The following LRRIQ1 variants were observed in gnomAD, a reference collection of about 807,000 sequenced individuals.
LRRIQ1 encodes leucine-rich repeat- and IQ domain-containing protein 1.
In LRRIQ1, 210 loss-of-function variants were observed where a neutral mutation model predicts 211.9. The observed-to-expected ratio is 0.99, with a 90% confidence interval of 0.89 to 1.11. LRRIQ1 has a LOEUF of 1.11. Among genes scored for constraint, LRRIQ1 ranks in the 50% most tolerant of loss-of-function variants. The pLI is 0.00. For missense variants in LRRIQ1, 2,136 were observed against 1,939.5 expected, an observed-to-expected ratio of 1.10 and a Z score of -1.90; for synonymous variants, 699 against 650.1, an observed-to-expected ratio of 1.08 and a Z score of -1.14.
Position 85,132,063 on chromosome 12 carries a change from T to C in LRRIQ1, c.4209+4030T>C, listed in dbSNP as rs187019183. 2.1e-4 allele frequency among the ~76,000 whole-genome samples: 32 copies of C among 152,146 alleles called. No homozygotes were observed. In the East Asian group the frequency reaches 6.2e-3, roughly 30 times the overall value. On this transcript the variant is annotated intron_variant, in intron 18 of 26. Coordinates refer to ENST00000393217, the MANE Select transcript of LRRIQ1 (RefSeq NM_001079910.2). ...ACCAGAAAACACACATGCTATGTAT[T>C]TTATAGTCTGGAGCTTTGCAGAAGC...
chr12:85,201,397 A>G (rs2137019527), intron 24 of LRRIQ1, among the ~76,000 whole-genome samples: 1 of 152,132 alleles, frequency 6.6e-6, no homozygotes, highest in East Asian at 1.9e-4. Flanking sequence ...CATTTGGTAT[A>G]ATTTGGCTGG....
chr12:85,211,974 A>T (rs1262479408), intron 24 of LRRIQ1, among the ~76,000 whole-genome samples: 3 of 151,998 alleles, frequency 2.0e-5, no homozygotes, highest in Non-Finnish European at 4.4e-5. Flanking sequence ...CAAAAGGTTT[A>T]AAAAAATGGG....
At chr12:85,141,178 T>C (rs952401040) in intron 19 of LRRIQ1, among the ~76,000 whole-genome samples, 1 of 151,378 alleles carries the variant, frequency 6.6e-6, no homozygotes, top group Non-Finnish European at 1.5e-5. Context: ...TCTCAGCATA[T>C]ACTATATTTT....
chr12:85,125,300 AG>A (rs1173392599), intron 17 of LRRIQ1, among the ~76,000 whole-genome samples: 2 of 152,186 alleles, frequency 1.3e-5, no homozygotes, highest in Non-Finnish European at 2.9e-5. Context: ...TATGTGCTAT[AG>A]TTTTTTGGCA....
Position 85,160,604 on chromosome 12 carries a change from T to C in LRRIQ1, c.4721-9T>C, listed in dbSNP as rs1890812859. On this transcript the variant is annotated splice_polypyrimidine_tract_variant and intron_variant, in intron 23 of 26. Coordinates refer to ENST00000393217, the MANE Select transcript of LRRIQ1 (RefSeq NM_001079910.2). ...TGAACTCTGCTCCTTTCTTATTCGT[T>C]TTGTTTAGATTCCACTGTGCGTCTA... 2 of 1,552,962 alleles carry C rather than the reference T, an allele frequency of 1.3e-6. No homozygotes were observed. The highest frequency in any genetic ancestry group is 1.8e-6 in the Non-Finnish European group (2 of 1,127,338).
chr12:85,155,865 G>A (rs1032834665), intron 23 of LRRIQ1, among the ~76,000 whole-genome samples: 1 of 151,686 alleles, frequency 6.6e-6, no homozygotes, highest in Non-Finnish European at 1.5e-5. Flanking sequence ...AAGCAGCATA[G>A]CAAGTGTTTT....
At chr12:85,162,843 T>C (rs981246324) in intron 24 of LRRIQ1, 100 of 453,278 alleles carry the variant, frequency 2.2e-4, no homozygotes, top group Non-Finnish European at 3.9e-4. Flanking sequence ...ATGAGTTTTA[T>C]GTATTTACCA....
chr12:85,056,000 A>T lies in LRRIQ1; in HGVS notation c.1207A>T (p.Ser403Cys). Reference protein sequence around the residue: ...QLIISSALKKSGYNNKHLSLE... With the variant: ...QLIISSALKKCGYNNKHLSLE... ...AATAATAAGTAGTGCATTAAAGAAGAGCGGATATAATAACAAACATTTAAG... is the reference window on the plus strand; with the variant it reads ...AATAATAAGTAGTGCATTAAAGAAGTGCGGATATAATAACAAACATTTAAG... Residue 403 changes from serine to cysteine, a missense_variant, in exon 8 of 27, where the codon AGC (serine) becomes TGC (cysteine). Ser to Cys is a moderately radical substitution (Grantham distance 112, BLOSUM62 -1). Transcript: ENST00000393217. The T allele has an allele frequency of 6.2e-7, 1 of 1,608,784 alleles. No homozygotes were observed. Among genetic ancestry groups the T allele is most frequent in the Non-Finnish European group, 8.5e-7 (1 of 1,178,236 alleles).
chr12:85,117,123 C>A (rs1227730934), intron 15 of LRRIQ1, among the ~76,000 whole-genome samples: 5 of 152,156 alleles, frequency 3.3e-5, no homozygotes, highest in Non-Finnish European at 7.4e-5. Context: ...GTTGGAGGCA[C>A]ACTATAAGGA....
At chr12:85,199,083 T>C (rs1893163068) in intron 24 of LRRIQ1, among the ~76,000 whole-genome samples, 1 of 152,196 alleles carries the variant, frequency 6.6e-6, no homozygotes, top group South Asian at 2.1e-4. Context: ...CCGTTGATAG[T>C]TTATTTTGCT....
intron 24 of LRRIQ1, among the ~76,000 whole-genome samples, chr12:85,205,504 G>T (rs1221155662): frequency 6.6e-6 from 1 of 152,062 alleles, no homozygotes; most frequent in Non-Finnish European, 1.5e-5. Context: ...TGGGTGACCT[G>T]CCCTTCACTC....
chr12:85,229,112 T>C (rs936646801), intron 24 of LRRIQ1, among the ~76,000 whole-genome samples: 12 of 152,152 alleles, frequency 7.9e-5, no homozygotes, highest in Non-Finnish European at 1.8e-4. Flanking sequence ...CTCAATATAA[T>C]TTATAAATTC....
At chr12:85,144,690 T>A (rs1889770216) in intron 19 of LRRIQ1, among the ~76,000 whole-genome samples, 1 of 151,628 alleles carries the variant, frequency 6.6e-6, no homozygotes, top group African/African-American at 2.4e-5. Context: ...TAGCCAGGGA[T>A]CAGTCCACAT....
chr12:85,037,303 C>G (rs1878248012), intron 1 of LRRIQ1, among the ~76,000 whole-genome samples: 1 of 151,970 alleles, frequency 6.6e-6, no homozygotes, highest in African/African-American at 2.4e-5. Context: ...GGAAATGACT[C>G]TTACCTCCAC....
At chr12:85,072,576 G>T (rs1883205573) in intron 10 of LRRIQ1, among the ~76,000 whole-genome samples, 1 of 147,884 alleles carries the variant, frequency 6.8e-6, no homozygotes, top group Admixed American at 6.8e-5. Context: ...TTTCTGTTTT[G>T]TGAATGTTAC....
intron 11 of LRRIQ1, among the ~76,000 whole-genome samples, chr12:85,084,883 G>A (rs1057084774): frequency 3.3e-5 from 5 of 150,384 alleles, no homozygotes; most frequent in South Asian, 2.1e-4. Flanking sequence ...CTGAGATCGC[G>A]CCACTGCACT....
chr12:85,163,356 AAAAGTGAGGAAGATC>A (rs1165503656), intron 24 of LRRIQ1, among the ~76,000 whole-genome samples: 1 of 152,174 alleles, frequency 6.6e-6, no homozygotes, highest in East Asian at 1.9e-4. Context: ...TGCCCCCCAG[AAAAGTGAGGAAGATC>A]AAAATTAAAT....
In LRRIQ1 at chr12:85,250,671, T is replaced by C. The variant is rs1895881517; in HGVS notation, c.121+5762T>C. Among the ~76,000 whole-genome samples the C allele has an allele frequency of 2.0e-5, 3 of 147,898 alleles. No homozygotes were observed. The South Asian group carries it at 6.3e-4, about 31-fold the overall frequency. On this transcript the variant is annotated intron_variant, in intron 1 of 1. Coordinates refer to the LRRIQ1 transcript ENST00000602731. ...AGGAGGATCTATTGAGCTCAGGAGA[T>C]TGAGTCCTCAGTTAACTATAATCAC...
intron 15 of LRRIQ1, among the ~76,000 whole-genome samples, chr12:85,116,636 G>A (rs1887600936): frequency 1.3e-5 from 2 of 152,056 alleles, no homozygotes; most frequent in African/African-American, 2.4e-5. Context: ...GTTTGTTGTA[G>A]ATATTATTTC....
Sources: gnomAD v4.1 joint callset for allele counts (sites outside exome capture counted in the v4.1 genomes callset) on GRCh38, gnomAD v4.1.1 for gene constraint, MANE v1.5 for transcripts, NCBI Gene and HGNC (gene_info 2026-07-23, HGNC 2026-07-21) for gene names.